FEM1C: variants seen among roughly 807,000 people sequenced by gnomAD.
FEM1C encodes protein fem-1 homolog C.
In FEM1C, 15 loss-of-function variants were observed where a neutral mutation model predicts 37.6. That is an observed-to-expected ratio of 0.40 (90% confidence interval 0.27 to 0.61). FEM1C has a LOEUF of 0.61. Among genes scored for constraint, FEM1C ranks in the 20% least tolerant of loss-of-function variants. The probability of loss-of-function intolerance (pLI) is 0.42; values close to 1 mark genes in which losing one functional copy is unlikely to be tolerated. For synonymous variants in FEM1C, 287 were observed against 272.8 expected, an observed-to-expected ratio of 1.05 and a Z score of -0.51; for missense variants, 532 against 749.7, an observed-to-expected ratio of 0.71 and a Z score of 3.39.
At chr5:115,531,450 G>A (rs1000125456) in intron 2 of FEM1C, among the ~76,000 whole-genome samples, 2 of 152,054 alleles carry the variant, frequency 1.3e-5, no homozygotes, top group African/African-American at 2.4e-5. Context: ...TCAAGGATAC[G>A]TATTTTAAAA....
intron 2 of FEM1C, among the ~76,000 whole-genome samples, chr5:115,528,812 T>A (rs1269412993): frequency 6.6e-6 from 1 of 152,038 alleles, no homozygotes; most frequent in Non-Finnish European, 1.5e-5. Flanking sequence ...CAACACAGAT[T>A]TTCAAATAAT....
chr5:115,543,490 C>G lies in FEM1C; in HGVS notation c.4G>C (p.Asp2His). The G allele has an allele frequency of 1.2e-6, 2 of 1,601,964 alleles. No homozygotes were observed. Among genetic ancestry groups the G allele is most frequent in the Non-Finnish European group, 1.7e-6 (2 of 1,175,952 alleles). Residue 2 changes from aspartate to histidine, a missense_variant, in exon 2 of 3, where the codon GAT becomes CAT. By Grantham distance (81) the Asp-to-His change is moderately conservative. Transcript: ENST00000274457. Reference sequence around the variant, plus strand: ...GCGTTAAATACTGCTGTCTTTAGATCCATTTATGTCCAGTTGAGAGGCTGT... The same window carrying G: ...GCGTTAAATACTGCTGTCTTTAGATGCATTTATGTCCAGTTGAGAGGCTGT... M[D>H]LKTAVFNAAR...
intron 2 of FEM1C, among the ~76,000 whole-genome samples, chr5:115,539,467 T>C (rs1037759133): frequency 4.6e-5 from 7 of 152,058 alleles, no homozygotes; most frequent in South Asian, 2.1e-4. Context: ...GATTCTTAAA[T>C]AGGAACCAAC....
Position 115,543,200 on chromosome 5 carries a change from C to T in FEM1C, c.294G>A (p.Val98=). ...WAASAAGHLK[V]VQSLLNHGAS... ...CTCCATGATTTAACAAGGACTGGAC[C>T]ACCTTCAGATGTCCTGCTGCAGAAG... Residue 98 remains valine, a synonymous_variant, in exon 2 of 3, where the codon GTG becomes GTA. Coordinates refer to ENST00000274457, the MANE Select transcript of FEM1C (RefSeq NM_020177.3). The T allele has an allele frequency of 6.2e-7, 1 of 1,614,180 alleles. No individual in the cohort carries two copies. The highest frequency in any genetic ancestry group is 8.5e-7 in the Non-Finnish European group (1 of 1,180,030).
At chr5:115,539,959 T>G (rs1029422351) in intron 2 of FEM1C, among the ~76,000 whole-genome samples, 1 of 152,160 alleles carries the variant, frequency 6.6e-6, no homozygotes, top group African/African-American at 2.4e-5. Flanking sequence ...AGAAGTCACA[T>G]GCATTTTATC....
intron 2 of FEM1C, among the ~76,000 whole-genome samples, chr5:115,531,873 G>A (rs1241692028): frequency 3.3e-5 from 5 of 152,016 alleles, no homozygotes; most frequent in African/African-American, 7.2e-5. Flanking sequence ...GCTCTAACCC[G>A]GAGACATGGT....
chr5:115,543,255 G>T lies in FEM1C; in HGVS notation c.239C>A (p.Thr80Asn), dbSNP rs1310888370. The change falls in exon 2 of 3, where the codon ACC (threonine) becomes AAC (asparagine). Residue 80 changes from threonine (T) to asparagine (N), a missense_variant. Physicochemically the swap from Thr to Asn is moderately conservative, Grantham distance 65. Transcript: ENST00000274457. ...CCATAAAGGGGGAGCCCCCTCAATGGTTTCGCCATCAAAATTGACGGAGCC... is the reference window on the plus strand; with the variant it reads ...CCATAAAGGGGGAGCCCCCTCAATGTTTTCGCCATCAAAATTGACGGAGCC... The part of the protein sequence containing the change: ...VGGSVNFDGE[T>N]IEGAPPLWAA... 1.9e-6 allele frequency: 3 copies of T among 1,614,084 alleles called. No individual in the cohort carries two copies. Among genetic ancestry groups the T allele is most frequent in the Non-Finnish European group, 2.5e-6 (3 of 1,180,038 alleles).
chr5:115,524,080 T>G lies in FEM1C; in HGVS notation c.*228A>C, dbSNP rs573234640. The G allele has an allele frequency of 9.0e-6, 4 of 444,516 alleles. No homozygotes were observed. The highest frequency in any genetic ancestry group is 2.0e-5 in the African/African-American group (1 of 48,986). 27.5% of individuals were successfully genotyped at this position (444,516 alleles called of 1,614,324 possible). A position where few individuals can be genotyped will look rare whatever the true frequency, so the allele number is the denominator to read the frequency against. On this transcript the variant is annotated 3_prime_UTR_variant, in exon 3 of 3. Transcript: ENST00000274457. ...GCCTTTGGCAGACAATTTTAGAAAT[T>G]TGAATGTTACATTTCTCAATAATTC...
At chr5:115,530,633 G>A (rs1753996028) in intron 2 of FEM1C, among the ~76,000 whole-genome samples, 1 of 152,118 alleles carries the variant, frequency 6.6e-6, no homozygotes, top group Non-Finnish European at 1.5e-5. Flanking sequence ...CGTAAGGCAA[G>A]TCTCAACAAA....
At chr5:115,539,270 G>C (rs1754191550) in intron 2 of FEM1C, among the ~76,000 whole-genome samples, 1 of 151,974 alleles carries the variant, frequency 6.6e-6, no homozygotes, top group Non-Finnish European at 1.5e-5. Context: ...GTTAGAATTA[G>C]GGTGTAAAAG....
rs1415395888 is a variant in FEM1C at position 115,543,553 on chromosome 5, T to G, written c.-60A>C. 3.3e-6 allele frequency: 5 copies of G among 1,528,754 alleles called. No individual in the cohort carries two copies. Among genetic ancestry groups the G allele is most frequent in the African/African-American group, 1.4e-5 (1 of 72,412 alleles). 94.7% of individuals were successfully genotyped at this position (1,528,754 alleles called of 1,614,324 possible). The stretch of plus-strand genomic sequence containing the variant: ...TTTCAAAGCAGAGCTCCAGTTTAAC[T>G]CTATCGACACAGGCAAGAGTCACAG... On this transcript the variant is annotated 5_prime_UTR_variant, in exon 2 of 3. Transcript: ENST00000274457.
In FEM1C at chr5:115,524,359, A is replaced by G. The variant is rs1753838592; in HGVS notation, c.1803T>C (p.Tyr601=). Residue 601 remains tyrosine, a synonymous_variant, in exon 3 of 3, where the codon TAT becomes TAC. Coordinates refer to ENST00000274457, the MANE Select transcript of FEM1C (RefSeq NM_020177.3). Reference sequence around the variant, plus strand: ...CTAGCTTTTCTGGGATATGCCCTTTATAATATATTCTATGATTCACTATGA... The same window carrying G: ...CTAGCTTTTCTGGGATATGCCCTTTGTAATATATTCTATGATTCACTATGA... ...ARVIVNHRIY[Y]KGHIPEKLET... 1.9e-6 allele frequency: 3 copies of G among 1,613,442 alleles called. No homozygotes were observed. Among genetic ancestry groups the G allele is most frequent in the Non-Finnish European group, 1.7e-6 (2 of 1,179,616 alleles).
At chr5:115,531,679 T>C (rs775791314) in intron 2 of FEM1C, among the ~76,000 whole-genome samples, 43 of 152,268 alleles carry the variant, frequency 2.8e-4, no homozygotes, top group Non-Finnish European at 5.7e-4. Flanking sequence ...TTAATGGATA[T>C]GGCTGTTTCC....
intron 2 of FEM1C, among the ~76,000 whole-genome samples, chr5:115,532,773 AG>A (rs1367239504): frequency 6.6e-6 from 1 of 152,060 alleles, no homozygotes; most frequent in African/African-American, 2.4e-5. Flanking sequence ...AGTTCAAGCA[AG>A]GGAGCAAGTC....
intron 2 of FEM1C, among the ~76,000 whole-genome samples, chr5:115,541,099 T>G (rs1230123548): frequency 6.6e-6 from 1 of 152,098 alleles, no homozygotes; most frequent in Non-Finnish European, 1.5e-5. Context: ...AGAAACATTT[T>G]TTATCATACT....
intron 2 of FEM1C, among the ~76,000 whole-genome samples, chr5:115,531,845 C>A (rs1561558223): frequency 6.6e-6 from 1 of 152,022 alleles, no homozygotes; most frequent in Non-Finnish European, 1.5e-5. Context: ...GAACCCTGGG[C>A]CATAGTTTGC....
At chr5:115,542,119 T>C (rs1224426594) in intron 2 of FEM1C, among the ~76,000 whole-genome samples, 1 of 152,214 alleles carries the variant, frequency 6.6e-6, no homozygotes, top group Non-Finnish European at 1.5e-5. Flanking sequence ...TTTTCAAGTA[T>C]CAAAATTATG....
chr5:115,523,229 A>G lies in FEM1C; in HGVS notation c.*1079T>C, dbSNP rs1753811883. 1 of 152,472 alleles carries G rather than the reference A, an allele frequency of 6.6e-6. No individual in the cohort carries two copies. The highest frequency in any genetic ancestry group is 1.5e-5 in the Non-Finnish European group (1 of 67,962). 9.4% of individuals were successfully genotyped at this position (152,472 alleles called of 1,614,324 possible). A position where few individuals can be genotyped will look rare whatever the true frequency, so the allele number is the denominator to read the frequency against. On this transcript the variant is annotated 3_prime_UTR_variant, in exon 3 of 3. Coordinates refer to ENST00000274457, the MANE Select transcript of FEM1C (RefSeq NM_020177.3). The stretch of plus-strand genomic sequence containing the variant: ...TACCTTAATTATCCTAGATGCCTAG[A>G]TCTGGCTTGGCAAGCATCATGCCAC...
intron 2 of FEM1C, among the ~76,000 whole-genome samples, chr5:115,542,261 C>T (rs546856602): frequency 1.3e-5 from 2 of 152,296 alleles, no homozygotes; most frequent in South Asian, 4.1e-4. Context: ...GGTGTTTACA[C>T]TGTTGCTAGC....
Sources: gnomAD v4.1 joint callset for allele counts (sites outside exome capture counted in the v4.1 genomes callset) on GRCh38, gnomAD v4.1.1 for gene constraint, MANE v1.5 for transcripts, NCBI Gene and HGNC (gene_info 2026-07-23, HGNC 2026-07-21) for gene names.